PLEC: variants seen among roughly 807,000 people sequenced by gnomAD.
PLEC encodes the protein hemidesmosomal protein 1.
In PLEC, 216 loss-of-function variants were observed where a neutral mutation model predicts 392.8. That is an observed-to-expected ratio of 0.55 (90% confidence interval 0.49 to 0.62). PLEC has a LOEUF of 0.62. PLEC is among the 20% of genes least tolerant of loss of function. The pLI is 0.00. For synonymous variants in PLEC, 3,621 were observed against 2,980.6 expected, an observed-to-expected ratio of 1.21 and a Z score of -7.00; for missense variants, 6,863 against 6,563.4, an observed-to-expected ratio of 1.05 and a Z score of -1.58.
At chr8:143,971,412 G>A (rs538577897) in intron 1 of PLEC, among the ~76,000 whole-genome samples, 20 of 152,230 alleles carry the variant, frequency 1.3e-4, no homozygotes, top group South Asian at 4.1e-4. Flanking sequence ...CTGCCTTGCC[G>A]TCACTGGCTG....
At chr8:143,976,515 G>C (rs1462023107), upstream of PLEC, among the ~76,000 whole-genome samples, 1 of 152,060 alleles carries the variant, frequency 6.6e-6, no homozygotes, top group Non-Finnish European at 1.5e-5. Flanking sequence ...CCCACACCCC[G>C]GGCACCGCCC....
rs782685263 is a variant in PLEC at position 143,969,204 on chromosome 8, C to A, written c.70+4199G>T. On this transcript the variant is annotated intron_variant, in intron 1 of 31. Transcript: ENST00000356346. The surrounding 1 kb of genome is among the most constrained non-coding windows in gnomAD (Gnocchi z 5.1). Reference sequence around the variant, plus strand: ...GGAGGGTGAGGTGCTGATGGCGCGGCGATGTGAGCAGCCCTGACAGCGTCC... The same window carrying A: ...GGAGGGTGAGGTGCTGATGGCGCGGAGATGTGAGCAGCCCTGACAGCGTCC... Among the ~76,000 whole-genome samples the A allele has an allele frequency of 6.6e-6, 1 of 152,192 alleles. No individual in the cohort carries two copies. The highest frequency in any genetic ancestry group is 1.5e-5 in the Non-Finnish European group (1 of 68,042).
At position 143,938,224 on chromosome 8, in the gene PLEC, CTGATG is replaced by C; in HGVS notation, c.186_190del (p.His62GlnfsTer2). On this transcript the variant is annotated frameshift_variant, in exon 3 of 32. Coordinates refer to ENST00000345136, the MANE Select transcript of PLEC (RefSeq NM_201384.3). LOFTEE classifies it high-confidence loss of function. ...ATCGCGGAGGTCTTCATACAGGTCA[CTGATG>C]TGCCTCTGGGCCTGTGGGGACAGCA... is the stretch of plus-strand genomic sequence containing the variant. The C allele has an allele frequency of 6.2e-7, 1 of 1,604,672 alleles. No homozygotes were observed. Among genetic ancestry groups the C allele is most frequent in the Non-Finnish European group, 8.5e-7 (1 of 1,177,008 alleles).
At chr8:143,965,129 C>T (rs1833027958) in intron 1 of PLEC, among the ~76,000 whole-genome samples, 1 of 152,034 alleles carries the variant, frequency 6.6e-6, no homozygotes, top group African/African-American at 2.4e-5. Context: ...CTGATGCCGT[C>T]CTGGGGCCTT....
chr8:143,936,216 G>A (rs1554723254), intron 5 of PLEC, among the ~76,000 whole-genome samples: 1 of 152,150 alleles, frequency 6.6e-6, no homozygotes, highest in Non-Finnish European at 1.5e-5. Flanking sequence ...GGGGCCACAA[G>A]TCCAGCCACT....
chr8:143,928,338 G>C (rs1825972491), intron 25 of PLEC, among the ~76,000 whole-genome samples: 2 of 152,266 alleles, frequency 1.3e-5, no homozygotes, highest in African/African-American at 4.8e-5. Context: ...CTCAGCCCTT[G>C]CAGCCCAAGA....
chr8:143,931,947 G>C lies in PLEC; in HGVS notation c.2168C>G (p.Ala723Gly). 6.2e-7 allele frequency: 1 copy of C among 1,606,312 alleles called. No homozygotes were observed. The highest frequency in any genetic ancestry group is 8.5e-7 in the Non-Finnish European group (1 of 1,177,598). Residue 723 changes from alanine to glycine, a missense_variant, in exon 18 of 32, where the codon GCC becomes GGC. Physicochemically the swap from Ala to Gly is moderately conservative, Grantham distance 60. Coordinates refer to ENST00000345136, the MANE Select transcript of PLEC (RefSeq NM_201384.3). ...CIEAHLKENA[A>G]YFQFFSDVRE... ...GGCTCCGGTTCTCACCTGAAAGTAGGCAGCGTTCTCCTTCAGGTGTGCCTC... is the reference window on the plus strand; with the variant it reads ...GGCTCCGGTTCTCACCTGAAAGTAGCCAGCGTTCTCCTTCAGGTGTGCCTC...
chr8:143,923,748 TCTG>T lies in PLEC; in HGVS notation c.6178_6180del (p.Gln2060del), dbSNP rs2131348668. Reference sequence around the variant, plus strand: ...AGCGTCTGCTGTAGCTCCTGCTCCTTCTGCTGCACCGCGAAGGCGTGTGCCTTC... The same window carrying T: ...AGCGTCTGCTGTAGCTCCTGCTCCTTCTGCACCGCGAAGGCGTGTGCCTTC... On this transcript the variant is annotated inframe_deletion, in exon 31 of 32. Coordinates refer to ENST00000345136, the MANE Select transcript of PLEC (RefSeq NM_201384.3). 1 of 1,551,258 alleles carries T rather than the reference TCTG, an allele frequency of 6.4e-7. No individual in the cohort carries two copies. The highest frequency in any genetic ancestry group is 1.4e-5 in the African/African-American group (1 of 73,738).
chr8:143,961,352 C>T (rs572992024), intron 1 of PLEC, among the ~76,000 whole-genome samples: 2 of 152,122 alleles, frequency 1.3e-5, no homozygotes, highest in South Asian at 4.1e-4. Flanking sequence ...CAGCCTCCTG[C>T]GTAGCGGGGA....
At chr8:143,948,556 C>T (rs1163294512) in intron 1 of PLEC, among the ~76,000 whole-genome samples, 2 of 152,220 alleles carry the variant, frequency 1.3e-5, no homozygotes, top group Admixed American at 6.5e-5. Context: ...GGGTTTGAGC[C>T]TGCTGGCCCT....
In PLEC at chr8:143,920,590, G is replaced by A. The variant is rs782504063; in HGVS notation, c.9231C>T (p.Thr3077=). 43 of 1,610,026 alleles carry A rather than the reference G, an allele frequency of 2.7e-5. No individual in the cohort carries two copies. In the East Asian group the frequency reaches 5.6e-4, roughly 21 times the overall value. ...IIDPATSARL[T]VDEAVRAGLV... is the part of the protein sequence containing the mutation. ...GGCCAGCACGCACTGCCTCGTCCAC[G>A]GTCAGCCGGGCGCTGGTGGCGGGGT... The change falls in exon 32 of 32, where the codon ACC becomes ACT. Residue 3077 remains threonine, a synonymous_variant. Coordinates refer to ENST00000345136, the MANE Select transcript of PLEC (RefSeq NM_201384.3).
chr8:143,942,333 C>G (rs1830639331), upstream of PLEC: 3 of 1,585,570 alleles, frequency 1.9e-6, no homozygotes, highest in African/African-American at 4.0e-5. Context: ...AGACCCAGCC[C>G]CACTAGGTGA....
rs782625640 is a variant in PLEC, at chr8:143,937,189, G to A, written c.318C>T (p.Ala106=). 4 of 1,612,578 alleles carry A rather than the reference G, an allele frequency of 2.5e-6. No homozygotes were observed. The highest frequency in any genetic ancestry group is 2.7e-5 in the African/African-American group (2 of 74,904). The change falls in exon 4 of 32, where the codon GCC becomes GCT. Residue 106 remains alanine (A), a synonymous_variant. Coordinates refer to ENST00000345136, the MANE Select transcript of PLEC (RefSeq NM_201384.3). ...RFHKLQNVQI[A]LDYLRHRQVK... is the part of the protein sequence containing the mutation. ...CCTGGCGGTGCCGGAGGTAGTCCAGGGCAATCTGGACATTCTGCAGCTTGT... is the reference window on the plus strand; with the variant it reads ...CCTGGCGGTGCCGGAGGTAGTCCAGAGCAATCTGGACATTCTGCAGCTTGT...
upstream of PLEC, among the ~76,000 whole-genome samples, chr8:143,956,499 C>T (rs1554739329): frequency 6.6e-6 from 1 of 152,188 alleles, no homozygotes; most frequent in African/African-American, 2.4e-5. Flanking sequence ...ACCAGCCCAC[C>T]CAAGGCTGCA....
Position 143,924,781 on chromosome 8 carries a change from G to A in PLEC, c.5148C>T (p.Ile1716=), listed in dbSNP as rs1554698979. ...QQRLAAEQEL[I]RLRAETEQGE... is the part of the protein sequence containing the mutation. ...CCTGCTCCGTCTCGGCCCGCAGCCG[G>A]ATCAACTCCTGCTCCGCGGCCAGGC... Residue 1716 remains isoleucine, a synonymous_variant, in exon 31 of 32, where the codon ATC becomes ATT. Coordinates refer to ENST00000345136, the MANE Select transcript of PLEC (RefSeq NM_201384.3). The A allele has an allele frequency of 1.3e-6, 2 of 1,535,546 alleles. No individual in the cohort carries two copies. Among genetic ancestry groups the A allele is most frequent in the South Asian group, 2.4e-5 (2 of 84,142 alleles).
intron 1 of PLEC, among the ~76,000 whole-genome samples, chr8:143,965,422 C>T (rs2132904602): frequency 1.6e-5 from 1 of 62,692 alleles, no homozygotes; most frequent in Admixed American, 1.3e-4. Context: ...GTTCCCAACT[C>T]CCCTTCCACT....
chr8:143,952,410 C>G (rs2132759120), upstream of PLEC, among the ~76,000 whole-genome samples: 1 of 152,266 alleles, frequency 6.6e-6, no homozygotes, highest in Admixed American at 6.5e-5. Flanking sequence ...ATGTAGGGAC[C>G]ACAGTGGCCA....
At position 143,939,489 on chromosome 8, in the gene PLEC, C is replaced by G; in HGVS notation, c.-28G>C. The G allele has an allele frequency of 1.9e-6, 3 of 1,596,860 alleles. No individual in the cohort carries two copies. The highest frequency in any genetic ancestry group is 2.6e-6 in the Non-Finnish European group (3 of 1,172,758). ...TGCCCCCACACCTTCGTCGCCCGGACCCTCGGCCTCAGGCACGGTGCTCTG... is the reference window on the plus strand; with the variant it reads ...TGCCCCCACACCTTCGTCGCCCGGAGCCTCGGCCTCAGGCACGGTGCTCTG... On this transcript the variant is annotated 5_prime_UTR_variant, in exon 1 of 32. Coordinates refer to ENST00000345136, the MANE Select transcript of PLEC (RefSeq NM_201384.3).
Position 143,925,705 on chromosome 8 carries a change from C to T in PLEC, c.4224G>A (p.Ala1408=), listed in dbSNP as rs782548383. ...QEEVVRREEA[A]VDAQQQKRSI... ...TGCGCTTCTGCTGCTGCGCGTCCAC[C>T]GCCGCCTCCTCCCGCCGCACCACCT... The change falls in exon 31 of 32, where the codon GCG becomes GCA. Residue 1408 remains alanine (A), a synonymous_variant. Transcript: ENST00000345136. 8.8e-6 allele frequency: 14 copies of T among 1,592,550 alleles called. No individual in the cohort carries two copies. Among genetic ancestry groups the T allele is most frequent in the South Asian group, 3.3e-5 (3 of 90,380 alleles).
Sources: gnomAD v4.1 joint callset for allele counts (sites outside exome capture counted in the v4.1 genomes callset) on GRCh38, gnomAD v4.1.1 for gene constraint, Gnocchi (gnomAD v3.1) non-coding constraint, MANE v1.5 for transcripts, NCBI Gene and HGNC (gene_info 2026-07-23, HGNC 2026-07-21) for gene names.